EPB41L1: variants seen among roughly 807,000 people sequenced by gnomAD.
The protein encoded by EPB41L1 is band 4.1-like protein 1.
A neutral mutation model predicts 97.8 loss-of-function variants in EPB41L1; 29 were observed. That is an observed-to-expected ratio of 0.30 (90% CI 0.22 to 0.40). The LOEUF (loss-of-function observed/expected upper bound fraction) is 0.40, where lower values mean the gene tolerates loss of function less well. Ranked by LOEUF, EPB41L1 falls within the 10% of genes least tolerant of loss-of-function variation. The pLI is 1.00. For synonymous variants in EPB41L1, 383 were observed against 459.2 expected (o/e 0.83, Z 2.12); for missense variants, 812 against 1,162.3 (o/e 0.70, Z 4.38).
Position 36,232,555 on chromosome 20 carries a change from G to T in EPB41L1, c.*3215G>T. ...AGTACCAGGACCTGTTTCAGTTTTTGAATCCTGCAAGCACATTCCAAGACT... is the reference window on the plus strand; with the variant it reads ...AGTACCAGGACCTGTTTCAGTTTTTTAATCCTGCAAGCACATTCCAAGACT... On this transcript the variant is annotated 3_prime_UTR_variant, in exon 22 of 22. Transcript: ENST00000338074. 1 of 398,886 alleles carries T rather than the reference G, an allele frequency of 2.5e-6. No individual in the cohort carries two copies. Among genetic ancestry groups the T allele is most frequent in the South Asian group, 1.3e-4 (1 of 7,744 alleles). 24.7% of individuals were successfully genotyped at this position (398,886 alleles called of 1,614,324 possible).
At chr20:36,169,023 C>T (rs1475334045) in intron 1 of EPB41L1, among the ~76,000 whole-genome samples, 7 of 151,248 alleles carry the variant, frequency 4.6e-5, no homozygotes, top group Non-Finnish European at 8.8e-5. Flanking sequence ...GTCAGGAGTT[C>T]GAGACCAACC....
chr20:36,125,419 A>G, intron 2 of EPB41L1: 1 of 740,528 alleles, frequency 1.4e-6, no homozygotes, highest in Non-Finnish European at 2.4e-6. Flanking sequence ...TCATCTGTAA[A>G]CAGGCTGCTG....
intron 11 of EPB41L1, among the ~76,000 whole-genome samples, chr20:36,192,113 C>T (rs1009926804): frequency 2.0e-5 from 3 of 152,096 alleles, no homozygotes; most frequent in African/African-American, 7.2e-5. Context: ...GTAATCTCAG[C>T]TACTCGGGAG....
chr20:36,204,651 T>TTGATGCACGATGATGCTTAGA (rs2062700594), intron 14 of EPB41L1, among the ~76,000 whole-genome samples: 3 of 111,434 alleles, frequency 2.7e-5, no homozygotes, highest in Admixed American at 8.8e-5. Flanking sequence ...CGCCTGGCCT[T>TTGATGCACGATGATGCTTAGA]TCTTTTTTTT....
At chr20:36,199,033 C>T (rs997498426) in intron 14 of EPB41L1, among the ~76,000 whole-genome samples, 1 of 152,202 alleles carries the variant, frequency 6.6e-6, no homozygotes, top group African/African-American at 2.4e-5. Flanking sequence ...GTTCCAGACT[C>T]TTCCACAGAG....
At chr20:36,091,492 A>G (rs1057474218), upstream of EPB41L1, 1 of 152,206 alleles carries the variant, frequency 6.6e-6, no homozygotes, top group Non-Finnish European at 1.5e-5. Context: ...GGCATGGACC[A>G]CAGTGAAGAA....
chr20:36,140,271 A>C (rs1350640573), intron 2 of EPB41L1, among the ~76,000 whole-genome samples: 1 of 137,936 alleles, frequency 7.2e-6, no homozygotes, highest in African/African-American at 2.7e-5. Context: ...AGGTTTCGCC[A>C]TGTTGGCCGT....
chr20:36,168,601 G>A (rs1666568782), intron 1 of EPB41L1, among the ~76,000 whole-genome samples: 1 of 151,488 alleles, frequency 6.6e-6, no homozygotes, highest in African/African-American at 2.4e-5. Flanking sequence ...CGCGATCTCG[G>A]CTCACTGCAA....
intron 9 of EPB41L1, among the ~76,000 whole-genome samples, chr20:36,189,103 A>T (rs2061829328): frequency 6.6e-6 from 1 of 151,940 alleles, no homozygotes; most frequent in South Asian, 2.1e-4. Context: ...CCTACATCTC[A>T]CCCATCAAAA....
chr20:36,109,903 A>G (rs1277264818), intron 1 of EPB41L1: 1 of 151,438 alleles, frequency 6.6e-6, no homozygotes, highest in Non-Finnish European at 1.5e-5. Context: ...AATGGTTATT[A>G]TTAGTCTTCT....
At position 36,177,946 on chromosome 20, in the gene EPB41L1, C is replaced by T. The variant is rs369397623; in HGVS notation, c.343-6C>T. The T allele has an allele frequency of 6.0e-5, 97 of 1,613,282 alleles. No individual in the cohort carries two copies. The Middle Eastern group carries it at 6.6e-4, about 11-fold the overall frequency. On this transcript the variant is annotated splice_region_variant and splice_polypyrimidine_tract_variant and intron_variant, in intron 3 of 21. Transcript: ENST00000338074. ...AGCCTCATAGCTGCTCTGCTTCCCT[C>T]CTTAGAAACATGGCCGGGGCCAGGT...
intron 2 of EPB41L1, among the ~76,000 whole-genome samples, chr20:36,137,858 C>T (rs1342160244): frequency 6.6e-6 from 1 of 152,150 alleles, no homozygotes. Flanking sequence ...AAACTATATC[C>T]ATTAAACAAT....
At position 36,173,953 on chromosome 20, in the gene EPB41L1, A is replaced by T; in HGVS notation, c.176A>T (p.Gln59Leu). Residue 59 changes from glutamine to leucine, a missense_variant and splice_region_variant, in exon 2 of 22, where the codon CAG (glutamine) becomes CTG (leucine). Gln to Leu is a moderately radical substitution (Grantham distance 113). Around this residue, in one of 3 missense-constraint regions of EPB41L1, gnomAD observed 84 missense variants for 94.3 expected, o/e 0.89. Coordinates refer to ENST00000338074, the MANE Select transcript of EPB41L1 (RefSeq NM_012156.2). Reference sequence around the variant, plus strand: ...CAGCAGGACACGCGGCCTGCTGAACAGGTGTGTGCCCGAGAGCATGGGCGT... The same window carrying T: ...CAGCAGGACACGCGGCCTGCTGAACTGGTGTGTGCCCGAGAGCATGGGCGT... Reference protein sequence around the residue: ...PSQQDTRPAEQSLDMEEKDYS... With the variant: ...PSQQDTRPAELSLDMEEKDYS... 6.2e-7 allele frequency: 1 copy of T among 1,611,920 alleles called. No individual in the cohort carries two copies.
At chr20:36,139,906 T>C (rs2059571152) in intron 2 of EPB41L1, among the ~76,000 whole-genome samples, 1 of 151,868 alleles carries the variant, frequency 6.6e-6, no homozygotes, top group Non-Finnish European at 1.5e-5. Flanking sequence ...TAATTTTGTA[T>C]TTTTAGTAGA....
At position 36,171,845 on chromosome 20, in the gene EPB41L1, G is replaced by A. The variant is rs184906563; in HGVS notation, c.-14-1919G>A. ...TGGTGCAGGGGAGAGGGCGTGCCAT[G>A]CCAGTCTAGCCTGAATCTCTCTCAT... is the stretch of plus-strand genomic sequence containing the variant. On this transcript the variant is annotated intron_variant, in intron 1 of 21. Transcript: ENST00000338074. Among the ~76,000 whole-genome samples, 484 of 152,296 alleles carry A rather than the reference G, an allele frequency of 3.2e-3. 4 individuals are homozygous for A. The highest frequency in any genetic ancestry group is 3.4e-3 in the Middle Eastern group (1 of 294).
chr20:36,171,516 A>G (rs535136654), intron 1 of EPB41L1, among the ~76,000 whole-genome samples: 4 of 152,284 alleles, frequency 2.6e-5, no homozygotes, highest in African/African-American at 9.6e-5. Flanking sequence ...AGCATCAGTA[A>G]CAACAAACCC....
chr20:36,192,807 G>T (rs180672552), intron 11 of EPB41L1, among the ~76,000 whole-genome samples: 94 of 152,266 alleles, frequency 6.2e-4, no homozygotes, highest in African/African-American at 2.1e-3. Context: ...ATGTAGAGTA[G>T]CCATGAGGAG....
intron 1 of EPB41L1, among the ~76,000 whole-genome samples, chr20:36,169,095 G>A (rs1250634233): frequency 5.9e-5 from 9 of 151,680 alleles, no homozygotes; most frequent in Admixed American, 2.6e-4. Flanking sequence ...CTGCGGTGGC[G>A]GTCACCTGTA....
At chr20:36,127,048 G>A (rs2147722884) in intron 2 of EPB41L1, among the ~76,000 whole-genome samples, 1 of 152,336 alleles carries the variant, frequency 6.6e-6, no homozygotes, top group South Asian at 2.1e-4. Context: ...ACACCTAGTG[G>A]CAGCGGGAGG....
Sources: gnomAD v4.1 joint callset for allele counts (sites outside exome capture counted in the v4.1 genomes callset) on GRCh38, gnomAD v4.1.1 for gene constraint, gnomAD v4.1.1 regional missense constraint, MANE v1.5 for transcripts, NCBI Gene and HGNC (gene_info 2026-07-23, HGNC 2026-07-21) for gene names.